TRIQK: variants seen among roughly 807,000 people sequenced by gnomAD.
TRIQK encodes the protein triple QxxK/R motif containing.
In TRIQK, 10 loss-of-function variants were observed where a neutral mutation model predicts 10.8. The observed-to-expected ratio is 0.92, with a 90% CI of 0.57 to 1.57. The LOEUF is 1.57. Among genes scored for constraint, TRIQK ranks in the 40% most tolerant of loss-of-function variants. The pLI is 0.00. For missense variants in TRIQK, 107 were observed against 97.7 expected (o/e 1.09, Z -0.40); for synonymous variants, 33 against 33.7 (o/e 0.98, Z 0.07).
chr8:92,913,456 A>G (rs1052080112), intron 3 of TRIQK, among the ~76,000 whole-genome samples: 5 of 152,208 alleles, frequency 3.3e-5, no homozygotes, highest in Non-Finnish European at 5.9e-5. Flanking sequence ...AATCATTAAA[A>G]AGTCAGGAAA....
At chr8:92,984,363 A>G (rs1249359124) in intron 1 of TRIQK, among the ~76,000 whole-genome samples, 1 of 147,696 alleles carries the variant, frequency 6.8e-6, no homozygotes, top group Non-Finnish European at 1.5e-5. Flanking sequence ...AGATCCTACC[A>G]TTACACGAGC....
chr8:92,952,418 A>AACACAC (rs143129049), intron 2 of TRIQK, among the ~76,000 whole-genome samples: 11 of 148,106 alleles, frequency 7.4e-5, no homozygotes, highest in South Asian at 2.1e-4. Flanking sequence ...ACAAAGATAA[A>AACACAC]ACACACACAC....
chr8:93,005,331 CATG>C (rs779663401), intron 1 of TRIQK, among the ~76,000 whole-genome samples: 14 of 152,158 alleles, frequency 9.2e-5, no homozygotes, highest in Admixed American at 1.3e-4. Flanking sequence ...AACCAGAGCT[CATG>C]ATAACTCACT....
intron 1 of TRIQK, among the ~76,000 whole-genome samples, chr8:92,997,219 C>G (rs1813161303): frequency 6.6e-6 from 1 of 151,946 alleles, no homozygotes; most frequent in South Asian, 2.1e-4. Flanking sequence ...CAGTGGTGGG[C>G]ACCAGGCACA....
chr8:92,944,773 A>C (rs1050931342), intron 2 of TRIQK, among the ~76,000 whole-genome samples: 3 of 152,162 alleles, frequency 2.0e-5, no homozygotes, highest in Non-Finnish European at 2.9e-5. Context: ...AGAAGGAATA[A>C]ATTCTGGTGT....
intron 3 of TRIQK, among the ~76,000 whole-genome samples, chr8:92,904,643 G>C (rs1218089300): frequency 6.6e-6 from 1 of 152,034 alleles, no homozygotes; most frequent in African/African-American, 2.4e-5. Flanking sequence ...TTACTGGAAA[G>C]GACAGCAGTA....
At chr8:92,918,509 C>T (rs1435650968) in intron 2 of TRIQK, among the ~76,000 whole-genome samples, 1 of 151,970 alleles carries the variant, frequency 6.6e-6, no homozygotes, top group Non-Finnish European at 1.5e-5. Context: ...TACCTGTTGG[C>T]CATTTGTATC....
intron 2 of TRIQK, 106 bp from the exon 3 acceptor site, chr8:92,917,116 T>A (rs566070154): frequency 1.0e-4 from 51 of 492,040 alleles, no homozygotes; most frequent in African/African-American, 8.8e-4. Context: ...TGGGTACAAA[T>A]ACTTTGACTT....
At chr8:92,895,744 G>T (rs913487018) in intron 3 of TRIQK, among the ~76,000 whole-genome samples, 1 of 152,046 alleles carries the variant, frequency 6.6e-6, no homozygotes, top group African/African-American at 2.4e-5. Context: ...TACAAGCAAT[G>T]GACTAAAGTA....
chr8:92,932,157 G>C (rs538927061), intron 2 of TRIQK, among the ~76,000 whole-genome samples: 106 of 151,808 alleles, frequency 7.0e-4, no homozygotes, highest in African/African-American at 2.5e-3. Context: ...CTTCCTCTAG[G>C]TGCCTATGAA....
At chr8:92,947,795 G>A (rs79321311) in intron 2 of TRIQK, among the ~76,000 whole-genome samples, 2,295 of 152,130 alleles carry the variant, frequency 0.015, 34 homozygotes, top group South Asian at 0.071. Flanking sequence ...ACCAAATAGA[G>A]CAGTCCAGAG....
chr8:92,952,128 T>C (rs577836879), intron 2 of TRIQK, among the ~76,000 whole-genome samples: 22 of 151,144 alleles, frequency 1.5e-4, no homozygotes, highest in Admixed American at 1.5e-3. Flanking sequence ...CAGAACCAGA[T>C]ATGGCAGGGA....
intron 4 of TRIQK, 129 bp downstream of exon 4, chr8:92,891,860 A>G: frequency 1.5e-6 from 1 of 661,626 alleles, no homozygotes; most frequent in Non-Finnish European, 2.4e-6. Context: ...AAAAACCTTT[A>G]AGTCTGGCAT....
rs1365994106 is a variant in TRIQK at position 92,885,099 on chromosome 8, C to T, written c.*1523G>A. On this transcript the variant is annotated 3_prime_UTR_variant, in exon 5 of 5. Coordinates refer to ENST00000521988, the MANE Select transcript of TRIQK (RefSeq NM_001171797.2). ...AAGGGAAGAATCTAGTAAATAACAC[C>T]GGCTAAATTTTGCCCTCAGATGTTT... The T allele has an allele frequency of 5.1e-5, 22 of 431,646 alleles. No individual in the cohort carries two copies. Among genetic ancestry groups the T allele is most frequent in the South Asian group, 1.3e-4 (8 of 62,510 alleles). 26.7% of individuals were successfully genotyped at this position (431,646 alleles called of 1,614,324 possible). A position where few individuals can be genotyped will look rare whatever the true frequency, so the allele number is the denominator to read the frequency against.
intron 3 of TRIQK, among the ~76,000 whole-genome samples, chr8:92,897,245 T>G (rs1374579986): frequency 6.6e-6 from 1 of 152,192 alleles, no homozygotes; most frequent in African/African-American, 2.4e-5. Flanking sequence ...ACTTTGGATT[T>G]TGAAATTTTG....
intron 1 of TRIQK, among the ~76,000 whole-genome samples, chr8:92,962,959 A>G (rs1020478280): frequency 5.9e-5 from 9 of 152,134 alleles, no homozygotes; most frequent in African/African-American, 2.2e-4. Context: ...CACTATCCCC[A>G]CTCGACTTGT....
At chr8:92,928,459 A>T (rs1054081385) in intron 2 of TRIQK, among the ~76,000 whole-genome samples, 38 of 152,146 alleles carry the variant, frequency 2.5e-4, no homozygotes, top group African/African-American at 8.7e-4. Flanking sequence ...GTCCATAATC[A>T]CCATTAGAGT....
At chr8:92,921,120 G>T (rs1201418355) in intron 2 of TRIQK, among the ~76,000 whole-genome samples, 1 of 151,596 alleles carries the variant, frequency 6.6e-6, no homozygotes, top group East Asian at 1.9e-4. Flanking sequence ...CAGGTATAAA[G>T]CAGTTATCCA....
intron 2 of TRIQK, among the ~76,000 whole-genome samples, chr8:92,949,531 A>AGAAG (rs59992773): frequency 0.069 from 10,086 of 145,550 alleles, 457 homozygotes; most frequent in Admixed American, 0.12. Context: ...AAAGAAAGAA[A>AGAAG]GAAGGAAGGA....
Sources: allele counts gnomAD v4.1 joint callset (sites outside exome capture counted in the v4.1 genomes callset), GRCh38; gene constraint gnomAD v4.1.1; transcripts MANE v1.5; gene names NCBI Gene and HGNC (gene_info 2026-07-23, HGNC 2026-07-21).